The following GPC5 variants were observed in gnomAD, a reference collection of about 807,000 sequenced individuals.
The protein encoded by GPC5 is glypican-5.
GPC5 carries 47 observed loss-of-function variants against 53.9 expected under a neutral mutation model. The ratio of observed to expected loss-of-function variants is 0.87; its 90% confidence interval spans 0.69 to 1.11. GPC5 has a LOEUF of 1.11. GPC5 is among the 50% of genes most tolerant of loss of function. GPC5 has a pLI of 0.00. For missense variants in GPC5, 748 were observed against 713.1 expected, an observed-to-expected ratio of 1.05 and a Z score of -0.56; for synonymous variants, 286 against 263.3, an observed-to-expected ratio of 1.09 and a Z score of -0.84.
chr13:92,038,348 CTAGATAGATAGATAGA>C (rs76013713), intron 6 of GPC5, among the ~76,000 whole-genome samples: 1,590 of 139,268 alleles, frequency 0.011, 19 homozygotes, highest in Middle Eastern at 0.04. Context: ...ATGATCTATG[CTAGATAGATAGATAGA>C]TAGATAGATA....
At chr13:91,652,741 C>G (rs1594383950) in intron 2 of GPC5, among the ~76,000 whole-genome samples, 2 of 152,282 alleles carry the variant, frequency 1.3e-5, no homozygotes, top group East Asian at 3.9e-4. Context: ...AACCACAGAA[C>G]TTGAAACTGC....
intron 7 of GPC5, among the ~76,000 whole-genome samples, chr13:92,648,054 A>AG (rs1885831187): frequency 1.1e-5 from 1 of 93,640 alleles, no homozygotes; most frequent in Non-Finnish European, 3.4e-5. Flanking sequence ...GTAATTTTAT[A>AG]TCTAAAATGC....
chr13:91,492,924 A>G (rs370199466), intron 2 of GPC5, among the ~76,000 whole-genome samples: 3 of 152,200 alleles, frequency 2.0e-5, no homozygotes, highest in Admixed American at 6.5e-5. Context: ...GCAACCTGCT[A>G]TCGTCACCAC....
At chr13:91,997,862 GC>G (rs544664716) in intron 6 of GPC5, among the ~76,000 whole-genome samples, 4 of 152,020 alleles carry the variant, frequency 2.6e-5, no homozygotes, top group Non-Finnish European at 4.4e-5. Flanking sequence ...ATTTGAATTT[GC>G]TCAAATGTAG....
Position 92,716,191 on chromosome 13 carries a change from T to C in GPC5, c.1562-150091T>C, listed in dbSNP as rs966300302. Among the ~76,000 whole-genome samples, 5 of 152,100 alleles carry C rather than the reference T, an allele frequency of 3.3e-5. No individual in the cohort carries two copies. The East Asian group carries it at 7.7e-4, about 23-fold the overall frequency. On this transcript the variant is annotated intron_variant, in intron 7 of 7. Transcript: ENST00000377067. The stretch of plus-strand genomic sequence containing the variant: ...TCTTCATACAATCTGGTGCTAATAA[T>C]AACAGTAACAAAAATCATGAATATT...
At chr13:92,503,447 A>G (rs1251555304) in intron 7 of GPC5, among the ~76,000 whole-genome samples, 1 of 151,718 alleles carries the variant, frequency 6.6e-6, no homozygotes, top group East Asian at 1.9e-4. Flanking sequence ...AAAGAAGAAA[A>G]GCTTGACATG....
chr13:91,494,751 A>T (rs1884155549), intron 2 of GPC5, among the ~76,000 whole-genome samples: 1 of 152,170 alleles, frequency 6.6e-6, no homozygotes, highest in South Asian at 2.1e-4. Flanking sequence ...GACTTCCAGG[A>T]TACTAAAGTT....
At chr13:91,628,476 A>ATCTG (rs1030798499) in intron 2 of GPC5, among the ~76,000 whole-genome samples, 3 of 39,274 alleles carry the variant, frequency 7.6e-5, no homozygotes, top group Non-Finnish European at 1.3e-4. Flanking sequence ...TATCATTTGT[A>ATCTG]TCTATCTGTC....
At chr13:92,650,472 C>T (rs148701098) in intron 7 of GPC5, among the ~76,000 whole-genome samples, 252 of 152,016 alleles carry the variant, frequency 1.7e-3, no homozygotes, top group African/African-American at 5.9e-3. Context: ...AATTTTAGCT[C>T]AAATTTAATA....
At chr13:91,609,222 C>G (rs1331501620) in intron 2 of GPC5, among the ~76,000 whole-genome samples, 1 of 151,348 alleles carries the variant, frequency 6.6e-6, no homozygotes, top group Non-Finnish European at 1.5e-5. Context: ...GATTCGAATG[C>G]TGTATCATAT....
chr13:92,640,858 A>G (rs1885572530), intron 7 of GPC5, among the ~76,000 whole-genome samples: 1 of 152,100 alleles, frequency 6.6e-6, no homozygotes, highest in Non-Finnish European at 1.5e-5. Flanking sequence ...GAAATTATTC[A>G]TCTATTATAA....
At chr13:92,203,475 T>C (rs950202651) in intron 7 of GPC5, among the ~76,000 whole-genome samples, 1 of 96,696 alleles carries the variant, frequency 1.0e-5, no homozygotes, top group African/African-American at 4.2e-5. Context: ...TATCACACTC[T>C]GGGGACTGTG....
intron 1 of GPC5, among the ~76,000 whole-genome samples, chr13:91,414,804 C>T (rs1275396037): frequency 6.6e-6 from 1 of 152,104 alleles, no homozygotes; most frequent in East Asian, 1.9e-4. Flanking sequence ...GAGGGTGTCG[C>T]CTTATAAAGT....
intron 7 of GPC5, among the ~76,000 whole-genome samples, chr13:92,620,419 C>T (rs1321603739): frequency 6.6e-6 from 1 of 152,252 alleles, no homozygotes; most frequent in South Asian, 2.1e-4. Context: ...CATCAGAGTT[C>T]TCCAGGAAGG....
In GPC5 at chr13:92,309,909, A is replaced by G. The variant is rs982047741; in HGVS notation, c.1561+164920A>G. Among the ~76,000 whole-genome samples, 5 of 152,002 alleles carry G rather than the reference A, an allele frequency of 3.3e-5. No individual in the cohort carries two copies. The South Asian group carries it at 6.2e-4, about 19-fold the overall frequency. ...AACAATTCCACATTCTCTCCCTGCA[A>G]CCTACTACTTTTTATCCCCTGGCAG... On this transcript the variant is annotated intron_variant, in intron 7 of 7. Coordinates refer to ENST00000377067, the MANE Select transcript of GPC5 (RefSeq NM_004466.6).
At chr13:91,550,072 C>T (rs1243483903) in intron 2 of GPC5, among the ~76,000 whole-genome samples, 1 of 152,026 alleles carries the variant, frequency 6.6e-6, no homozygotes, top group Non-Finnish European at 1.5e-5. Context: ...TAAAAATAAA[C>T]TATCAAATGG....
intron 7 of GPC5, among the ~76,000 whole-genome samples, chr13:92,378,579 T>C (rs2043713649): frequency 6.6e-6 from 1 of 152,186 alleles, no homozygotes; most frequent in South Asian, 2.1e-4. Context: ...AGGAGACCTT[T>C]ATTCAAAACC....
intron 7 of GPC5, among the ~76,000 whole-genome samples, chr13:92,243,996 A>G (rs2042632647): frequency 6.6e-6 from 1 of 152,186 alleles, no homozygotes; most frequent in South Asian, 2.1e-4. Flanking sequence ...AACTATTTCA[A>G]AAGGCAAAGT....
intron 6 of GPC5, among the ~76,000 whole-genome samples, chr13:91,939,465 G>A (rs1388413224): frequency 6.6e-6 from 1 of 152,154 alleles, no homozygotes; most frequent in African/African-American, 2.4e-5. Context: ...CAGCAAGGCT[G>A]AATCTTGTTG....
Sources: gnomAD v4.1 joint callset for allele counts (sites outside exome capture counted in the v4.1 genomes callset) on GRCh38, gnomAD v4.1.1 for gene constraint, MANE v1.5 for transcripts, NCBI Gene and HGNC (gene_info 2026-07-23, HGNC 2026-07-21) for gene names.